SLC14A1: variants seen among roughly 807,000 people sequenced by gnomAD.
The protein encoded by SLC14A1 is solute carrier family 14 member 1 (Kidd blood group).
SLC14A1 carries 36 observed loss-of-function variants against 39.6 expected under a neutral mutation model. The observed-to-expected ratio is 0.91, with a 90% CI of 0.70 to 1.20. The LOEUF is 1.20. Among genes scored for constraint, SLC14A1 ranks in the 50% most tolerant of loss-of-function variants. The pLI is 0.00. For synonymous variants in SLC14A1, 164 were observed against 173.6 expected, an observed-to-expected ratio of 0.94 and a Z score of 0.43; for missense variants, 469 against 478.7, an observed-to-expected ratio of 0.98 and a Z score of 0.19.
chr18:45,739,175 A>C lies in SLC14A1; in HGVS notation c.676A>C (p.Ile226Leu). 6.2e-7 allele frequency: 1 copy of C among 1,614,166 alleles called. No individual in the cohort carries two copies. The highest frequency in any genetic ancestry group is 8.5e-7 in the Non-Finnish European group (1 of 1,180,022). The change falls in exon 7 of 10, where the codon ATA becomes CTA. Residue 226 changes from isoleucine to leucine, a missense_variant. Ile to Leu is a conservative substitution (Grantham distance 5). Coordinates refer to ENST00000321925, the MANE Select transcript of SLC14A1 (RefSeq NM_015865.7). ...ATTTCTTTTGCAGTTGTTGAAATCT[A>C]TACCAGTGGGAGTTGGTCAGATCTA... is the stretch of plus-strand genomic sequence containing the variant. ...DLSALELLKS[I>L]PVGVGQIYGC...
Position 45,739,544 on chromosome 18 carries a change from C to A in SLC14A1, c.828C>A (p.Ala276=). Residue 276 remains alanine, a synonymous_variant, in exon 8 of 10, where the codon GCC becomes GCA. Transcript: ENST00000321925. The part of the protein sequence containing the change: ...LGIAAGLSLS[A]PFEDIYFGLW... ...TCTTAACAGGACTCAGTCTTTCAGC[C>A]CCATTTGAGGACATCTACTTTGGAC... 6.2e-7 allele frequency: 1 copy of A among 1,614,138 alleles called. No individual in the cohort carries two copies. The highest frequency in any genetic ancestry group is 8.5e-7 in the Non-Finnish European group (1 of 1,180,022).
At position 45,751,128 on chromosome 18, in the gene SLC14A1, C is replaced by A; in HGVS notation, c.*1177C>A. 1.4e-6 allele frequency: 1 copy of A among 704,978 alleles called. No individual in the cohort carries two copies. Among genetic ancestry groups the A allele is most frequent in the Non-Finnish European group, 1.7e-6 (1 of 574,192 alleles). The allele number at this position is 704,978 out of a possible 1,614,324, so 43.7% of individuals were successfully genotyped here. A position where few individuals can be genotyped will look rare whatever the true frequency, so the allele number is the denominator to read the frequency against. On this transcript the variant is annotated 3_prime_UTR_variant, in exon 10 of 10. Transcript: ENST00000321925. ...GCCCAGGCGGGCAGATTGCTTGAACCCAGGAGTTCAAGACCAGCCTGGGCA... is the reference window on the plus strand; with the variant it reads ...GCCCAGGCGGGCAGATTGCTTGAACACAGGAGTTCAAGACCAGCCTGGGCA...
At chr18:45,735,819 A>G (rs922047222) in intron 5 of SLC14A1, among the ~76,000 whole-genome samples, 1 of 152,184 alleles carries the variant, frequency 6.6e-6, no homozygotes, top group African/African-American at 2.4e-5. Flanking sequence ...TGGCTCTTTG[A>G]TTGGGCCAAC....
intron 8 of SLC14A1, among the ~76,000 whole-genome samples, chr18:45,744,945 C>T (rs926688912): frequency 2.0e-5 from 3 of 152,080 alleles, no homozygotes; most frequent in South Asian, 4.2e-4. Context: ...ATTTCTGGTT[C>T]ATTAATTAAA....
Position 45,750,136 on chromosome 18 carries a change from A to T in SLC14A1, c.*185A>T. ...CTCCAGGAATATCCTTGAGCATATG[A>T]GAGTCACATCCAGGTGATGTGCTCT... On this transcript the variant is annotated 3_prime_UTR_variant, in exon 10 of 10. Coordinates refer to ENST00000321925, the MANE Select transcript of SLC14A1 (RefSeq NM_015865.7). The T allele has an allele frequency of 6.8e-7, 1 of 1,474,326 alleles. No homozygotes were observed. Among genetic ancestry groups the T allele is most frequent in the Non-Finnish European group, 8.9e-7 (1 of 1,118,798 alleles). 91.3% of individuals were successfully genotyped at this position (1,474,326 alleles called of 1,614,324 possible). A position where few individuals can be genotyped will look rare whatever the true frequency, so the allele number is the denominator to read the frequency against.
intron 8 of SLC14A1, among the ~76,000 whole-genome samples, chr18:45,743,511 C>T (rs2047451751): frequency 6.6e-6 from 1 of 152,096 alleles, no homozygotes; most frequent in African/African-American, 2.4e-5. Flanking sequence ...AGCAGGTCTG[C>T]TACTTACTAG....
chr18:45,731,052 C>A lies in SLC14A1; in HGVS notation c.189C>A (p.Leu63=), dbSNP rs1451880590. The part of the protein sequence containing the change: ...PVVLQFIDWI[L]RGISQVVFVN... ...TGCTCCAGTTCATTGACTGGATTCT[C>A]CGGGGCATATCCCAAGTGGTGTTCG... is the stretch of plus-strand genomic sequence containing the variant. Residue 63 remains leucine (L), a synonymous_variant, in exon 4 of 10, where the codon CTC becomes CTA. Coordinates refer to ENST00000321925, the MANE Select transcript of SLC14A1 (RefSeq NM_015865.7). 1 of 1,614,066 alleles carries A rather than the reference C, an allele frequency of 6.2e-7. No individual in the cohort carries two copies. The highest frequency in any genetic ancestry group is 1.3e-5 in the African/African-American group (1 of 74,932).
At chr18:45,745,000 T>G (rs749022554) in intron 8 of SLC14A1, among the ~76,000 whole-genome samples, 56 of 152,334 alleles carry the variant, frequency 3.7e-4, no homozygotes, top group Admixed American at 3.3e-4. Context: ...AACCCAGCAC[T>G]TTGGGAGGCC....
chr18:45,744,258 C>T (rs938212710), intron 8 of SLC14A1, among the ~76,000 whole-genome samples: 4 of 152,204 alleles, frequency 2.6e-5, no homozygotes, highest in African/African-American at 9.7e-5. Flanking sequence ...AAGTGATCCA[C>T]CTGCCTCGGC....
chr18:45,730,256 G>C (rs760548050), intron 2 of SLC14A1, 44 bp from the exon 3 acceptor site: 2 of 1,572,296 alleles, frequency 1.3e-6, no homozygotes, highest in Non-Finnish European at 1.7e-6. Context: ...TAATCTGGAG[G>C]GCTCTGCCTT....
At chr18:45,728,390 T>C (rs1262620238) in intron 2 of SLC14A1, among the ~76,000 whole-genome samples, 1 of 152,190 alleles carries the variant, frequency 6.6e-6, no homozygotes, top group African/African-American at 2.4e-5. Context: ...GCCACTTGAG[T>C]GTTTTCATTT....
At chr18:45,735,325 C>A (rs556482163) in intron 5 of SLC14A1, among the ~76,000 whole-genome samples, 103 of 152,368 alleles carry the variant, frequency 6.8e-4, no homozygotes, top group South Asian at 1.0e-3. Context: ...TGCAGTCTAT[C>A]TGGGGTGGGG....
In SLC14A1 at chr18:45,751,375, AAAAC is replaced by A. The variant is rs1335013808; in HGVS notation, c.*1428_*1431del. The A allele has an allele frequency of 6.4e-6, 6 of 937,978 alleles. No homozygotes were observed. The highest frequency in any genetic ancestry group is 7.3e-6 in the Non-Finnish European group (6 of 818,924). 58.1% of individuals were successfully genotyped at this position (937,978 alleles called of 1,614,324 possible). A position where few individuals can be genotyped will look rare whatever the true frequency, so the allele number is the denominator to read the frequency against. On this transcript the variant is annotated 3_prime_UTR_variant, in exon 10 of 10. Transcript: ENST00000321925. ...AAAAAAAACAAACAAAAACAAAAACAAAACAAAACAAAACAAAACAAAACAGGTA... is the reference window on the plus strand; with the variant it reads ...AAAAAAAACAAACAAAAACAAAAACAAAAACAAAACAAAACAAAACAGGTA...
Position 45,739,261 on chromosome 18 carries a change from A to C in SLC14A1, c.762A>C (p.Pro254=). The change falls in exon 7 of 10, where the codon CCA becomes CCC. Residue 254 remains proline, a synonymous_variant. Coordinates refer to ENST00000321925, the MANE Select transcript of SLC14A1 (RefSeq NM_015865.7). The part of the protein sequence containing the change: ...IFLGAILLSS[P]LMCLHAAIGS... ...TGGGAGCCATCCTACTCTCCTCCCC[A>C]CTCATGTGCCTGCATGCTGCCATAG... 3 of 1,613,990 alleles carry C rather than the reference A, an allele frequency of 1.9e-6. No individual in the cohort carries two copies. Among genetic ancestry groups the C allele is most frequent in the Non-Finnish European group, 2.5e-6 (3 of 1,179,970 alleles).
At chr18:45,731,962 G>A (rs2047044190) in intron 4 of SLC14A1, among the ~76,000 whole-genome samples, 1 of 152,218 alleles carries the variant, frequency 6.6e-6, no homozygotes, top group Admixed American at 6.5e-5. Flanking sequence ...TCCGTGGGGA[G>A]AGAGTTAGCA....
intron 8 of SLC14A1, among the ~76,000 whole-genome samples, chr18:45,747,763 T>G (rs182285691): frequency 6.6e-6 from 1 of 152,216 alleles, no homozygotes; most frequent in African/African-American, 2.4e-5. Flanking sequence ...GAAGATGTTA[T>G]CAAGGGGAGG....
intron 2 of SLC14A1, among the ~76,000 whole-genome samples, chr18:45,727,823 G>T (rs764238684): frequency 6.6e-6 from 1 of 152,196 alleles, no homozygotes; most frequent in Non-Finnish European, 1.5e-5. Context: ...GACTCTTAAA[G>T]TTCCCTAAGA....
chr18:45,734,466 G>A (rs2047126292), intron 5 of SLC14A1, 64 bp downstream of exon 5: 4 of 1,575,384 alleles, frequency 2.5e-6, no homozygotes, highest in African/African-American at 2.7e-5. Context: ...AGGAGGGAAT[G>A]GGAGTTGTTA....
At chr18:45,736,792 T>C in intron 6 of SLC14A1, 144 bp downstream of exon 6, 1 of 751,068 alleles carries the variant, frequency 1.3e-6, no homozygotes, top group South Asian at 1.5e-5. Context: ...TTTAAAGCAT[T>C]TGTTCTACTC....
Sources: gnomAD v4.1 joint callset for allele counts (sites outside exome capture counted in the v4.1 genomes callset) on GRCh38, gnomAD v4.1.1 for gene constraint, MANE v1.5 for transcripts, NCBI Gene and HGNC (gene_info 2026-07-23, HGNC 2026-07-21) for gene names.